Variants in ACTR3 observed in about 807,000 individuals in gnomAD.
ACTR3 encodes the protein actin-related protein 3.
ACTR3 carries 12 observed loss-of-function variants against 56.8 expected under a neutral mutation model. The ratio of observed to expected loss-of-function variants is 0.21; its 90% CI spans 0.14 to 0.34. The LOEUF is 0.34. Among genes scored for constraint, ACTR3 ranks in the 10% least tolerant of loss-of-function variants. ACTR3 has a pLI of 1.00. For synonymous variants in ACTR3, 162 were observed against 167.4 expected, an observed-to-expected ratio of 0.97 and a Z score of 0.25; for missense variants, 282 against 512.5, an observed-to-expected ratio of 0.55 and a Z score of 4.34.
intron 8 of ACTR3, among the ~76,000 whole-genome samples, chr2:113,948,251 G>C (rs1422503455): frequency 1.3e-5 from 2 of 152,126 alleles, no homozygotes; most frequent in African/African-American, 4.8e-5. Flanking sequence ...CCAGGCTCAG[G>C]TGATCCTCTC....
intron 1 of ACTR3, among the ~76,000 whole-genome samples, chr2:113,906,419 G>A (rs1679193000): frequency 6.6e-6 from 1 of 152,094 alleles, no homozygotes; most frequent in Admixed American, 6.5e-5. Flanking sequence ...CCATTCTGTG[G>A]ATTGCCTTTC....
chr2:113,951,650 T>C, intron 9 of ACTR3, 70 bp from the exon 10 acceptor site: 2 of 1,481,862 alleles, frequency 1.3e-6, no homozygotes, highest in Non-Finnish European at 1.9e-6. Flanking sequence ...TATAATAGCA[T>C]TTCAGTACTA....
intron 1 of ACTR3, among the ~76,000 whole-genome samples, chr2:113,900,776 A>G (rs760728757): frequency 3.3e-5 from 5 of 152,216 alleles, no homozygotes; most frequent in African/African-American, 1.2e-4. Context: ...AAAGGAGTTA[A>G]GATTTTAAGG....
At chr2:113,894,857 G>A (rs958016309) in intron 1 of ACTR3, among the ~76,000 whole-genome samples, 2 of 152,140 alleles carry the variant, frequency 1.3e-5, no homozygotes, top group African/African-American at 2.4e-5. Context: ...CCTGAGTTCT[G>A]TATTTAAGTC....
At chr2:113,910,765 A>C (rs34764202) in intron 1 of ACTR3, among the ~76,000 whole-genome samples, 1 of 152,066 alleles carries the variant, frequency 6.6e-6, no homozygotes, top group Non-Finnish European at 1.5e-5. Flanking sequence ...CAATTAGAGC[A>C]TTGTTTTTAG....
At chr2:113,930,688 G>A (rs1257514097) in intron 4 of ACTR3, among the ~76,000 whole-genome samples, 1 of 152,170 alleles carries the variant, frequency 6.6e-6, no homozygotes. Context: ...TCTTTAGAGT[G>A]TGTTCTGTCC....
chr2:113,935,737 GAA>G (rs1461718483), intron 6 of ACTR3, among the ~76,000 whole-genome samples: 1 of 152,070 alleles, frequency 6.6e-6, no homozygotes, highest in East Asian at 1.9e-4. Flanking sequence ...GTTTAAATCT[GAA>G]AATCAGTCTG....
chr2:113,942,339 G>T lies in ACTR3; in HGVS notation c.838G>T (p.Glu280Ter). ...TGGTTATGAGAGATTTTTGGGACCT[G>T]AAATCTTTTTTCATCCAGAGGTAAT... ...DVGYERFLGP[E>*]IFFHPEFANP... The change falls in exon 8 of 12, where the codon GAA becomes TAA. Residue 280 changes from glutamate (E) to a stop codon, truncating the protein, a stop_gained. Transcript: ENST00000263238. LOFTEE classifies it high-confidence loss of function. 1 of 1,575,570 alleles carries T rather than the reference G, an allele frequency of 6.3e-7. No homozygotes were observed. Among genetic ancestry groups the T allele is most frequent in the South Asian group, 1.2e-5 (1 of 83,884 alleles).
chr2:113,890,083 G>A, upstream of ACTR3: 1 of 640,300 alleles, frequency 1.6e-6, no homozygotes, highest in Non-Finnish European at 2.8e-6. Flanking sequence ...CTGCCTGCCT[G>A]CCTGGGTTGC....
chr2:113,914,535 C>A (rs897624046), intron 2 of ACTR3, among the ~76,000 whole-genome samples: 1 of 145,276 alleles, frequency 6.9e-6, no homozygotes, highest in Non-Finnish European at 1.5e-5. Flanking sequence ...CGCTCGAACC[C>A]GGGAGGTGGA....
intron 6 of ACTR3, among the ~76,000 whole-genome samples, chr2:113,937,998 C>T (rs80323997): frequency 0.032 from 4,831 of 152,150 alleles, 263 homozygotes; most frequent in African/African-American, 0.11. Flanking sequence ...CACAGTGTCT[C>T]AAAGATCATG....
rs919998180 is a variant in ACTR3 at position 113,925,176 on chromosome 2, C to T, written c.226-2169C>T. ...CCTCCCAAAGTGCTGGGATTACAGG[C>T]GTGAGCCATCGTGCCACCTTTTTTT... is the stretch of plus-strand genomic sequence containing the variant. On this transcript the variant is annotated intron_variant, in intron 3 of 11. Coordinates refer to ENST00000263238, the MANE Select transcript of ACTR3 (RefSeq NM_005721.5). Among the ~76,000 whole-genome samples, 51 of 143,246 alleles carry T rather than the reference C, an allele frequency of 3.6e-4. No homozygotes were observed. In the Middle Eastern group the frequency reaches 0.017, roughly 47 times the overall value. 94.0% of individuals were successfully genotyped at this position (143,246 alleles called of 152,430 possible). A position where few individuals can be genotyped will look rare whatever the true frequency, so the allele number is the denominator to read the frequency against.
At chr2:113,891,319 G>A (rs886448981) in intron 1 of ACTR3, among the ~76,000 whole-genome samples, 1 of 152,164 alleles carries the variant, frequency 6.6e-6, no homozygotes, top group African/African-American at 2.4e-5. Flanking sequence ...GAGGTATATA[G>A]GAGGGTGTTT....
chr2:113,902,692 C>CGGGTTCAA (rs749428234), intron 1 of ACTR3, among the ~76,000 whole-genome samples: 4 of 151,964 alleles, frequency 2.6e-5, no homozygotes, highest in Non-Finnish European at 4.4e-5. Flanking sequence ...CTCTTTCTCC[C>CGGGTTCAA]GGGTTCAAGT....
At chr2:113,926,895 AATT>A (rs77875043) in intron 3 of ACTR3, among the ~76,000 whole-genome samples, 19,823 of 152,202 alleles carry the variant, frequency 0.13, 1,686 homozygotes, top group East Asian at 0.3. Flanking sequence ...TGATTCTTAC[AATT>A]ATTCTAGGTA....
At chr2:113,907,250 T>C (rs1679212181) in intron 1 of ACTR3, among the ~76,000 whole-genome samples, 1 of 152,166 alleles carries the variant, frequency 6.6e-6, no homozygotes, top group South Asian at 2.1e-4. Context: ...TGAATTACTT[T>C]TTTGTTTATT....
In ACTR3 at chr2:113,955,463, C is replaced by T. The variant is rs568026228; in HGVS notation, c.1078-160C>T. 2.1e-5 allele frequency: 12 copies of T among 559,092 alleles called. No individual in the cohort carries two copies. The African/African-American group carries it at 2.3e-4, about 11-fold the overall frequency. The allele number at this position is 559,092 out of a possible 1,614,324, so 34.6% of individuals were successfully genotyped here. ...GTCTCTTCCACAGTGTTCCCAACCC[C>T]TTTCCTCTGAGACAGCCAATCTCAA... is the stretch of plus-strand genomic sequence containing the variant. On this transcript the variant is annotated intron_variant, in intron 10 of 11. Coordinates refer to ENST00000263238, the MANE Select transcript of ACTR3 (RefSeq NM_005721.5).
At chr2:113,907,714 T>C (rs974893333) in intron 1 of ACTR3, among the ~76,000 whole-genome samples, 2 of 152,088 alleles carry the variant, frequency 1.3e-5, no homozygotes, top group South Asian at 2.1e-4. Context: ...GGCTCACAGC[T>C]GTAATCCCAG....
At chr2:113,900,676 A>G (rs3791738) in intron 1 of ACTR3, among the ~76,000 whole-genome samples, 14,093 of 152,198 alleles carry the variant, frequency 0.093, 1,070 homozygotes, top group African/African-American at 0.2. Flanking sequence ...GGGATAGTCT[A>G]TGATCACAGG....
Sources: allele counts gnomAD v4.1 joint callset (sites outside exome capture counted in the v4.1 genomes callset), GRCh38; gene constraint gnomAD v4.1.1; transcripts MANE v1.5; gene names NCBI Gene and HGNC (gene_info 2026-07-23, HGNC 2026-07-21).